The following C8orf34 variants were observed in gnomAD, a reference collection of about 807,000 sequenced individuals.
C8orf34 encodes the protein chromosome 8 open reading frame 34.
A neutral mutation model predicts 68.3 loss-of-function variants in C8orf34; 65 were observed. That is an observed-to-expected ratio of 0.95 (90% CI 0.78 to 1.17). C8orf34 has a LOEUF of 1.17. C8orf34 is among the 50% of genes most tolerant of loss of function. The pLI is 0.00. For missense variants in C8orf34, 664 were observed against 655.4 expected, an observed-to-expected ratio of 1.01 and a Z score of -0.14; for synonymous variants, 244 against 241.2, an observed-to-expected ratio of 1.01 and a Z score of -0.11.
intron 4 of C8orf34, among the ~76,000 whole-genome samples, chr8:68,486,780 TC>T (rs1813097028): frequency 6.6e-6 from 1 of 152,198 alleles, no homozygotes; most frequent in South Asian, 2.1e-4. Context: ...TCAGGTTCTT[TC>T]TTCCAACCCA....
chr8:68,665,232 A>C (rs148908679), intron 8 of C8orf34, among the ~76,000 whole-genome samples: 82 of 152,352 alleles, frequency 5.4e-4, no homozygotes, highest in African/African-American at 1.4e-3. Context: ...TTCAAAATAC[A>C]GATGGAAATA....
At chr8:68,417,412 T>G (rs1809723223) in intron 1 of C8orf34, among the ~76,000 whole-genome samples, 1 of 152,120 alleles carries the variant, frequency 6.6e-6, no homozygotes, top group Non-Finnish European at 1.5e-5. Flanking sequence ...TCAGTCAGAC[T>G]GATTAAATAA....
intron 5 of C8orf34, among the ~76,000 whole-genome samples, chr8:68,499,737 A>AG (rs1225178552): frequency 6.6e-6 from 1 of 152,234 alleles, no homozygotes; most frequent in Non-Finnish European, 1.5e-5. Flanking sequence ...CACCTGAACC[A>AG]GGTGATCAAG....
intron 12 of C8orf34, chr8:68,791,548 A>T (rs1218865820): frequency 6.6e-6 from 1 of 152,246 alleles, no homozygotes; most frequent in African/African-American, 2.4e-5. Context: ...TTAGATTTTT[A>T]AAAACACAAA....
intron 1 of C8orf34, among the ~76,000 whole-genome samples, chr8:68,422,821 G>A (rs1810037552): frequency 6.6e-6 from 1 of 152,120 alleles, no homozygotes; most frequent in Non-Finnish European, 1.5e-5. Flanking sequence ...CTGAAATCTG[G>A]GCAGAGGTTC....
At chr8:68,581,728 G>A (rs902527352) in intron 7 of C8orf34, among the ~76,000 whole-genome samples, 2 of 152,142 alleles carry the variant, frequency 1.3e-5, no homozygotes, top group African/African-American at 4.8e-5. Context: ...CGCAGGCAGT[G>A]GAGTACAGCC....
At chr8:68,459,534 A>T (rs1811699467) in intron 3 of C8orf34, among the ~76,000 whole-genome samples, 1 of 152,068 alleles carries the variant, frequency 6.6e-6, no homozygotes, top group Non-Finnish European at 1.5e-5. Flanking sequence ...CCCGGCTGAA[A>T]AGGGAACTCT....
chr8:68,398,671 A>G (rs983963092), intron 1 of C8orf34, among the ~76,000 whole-genome samples: 38 of 152,278 alleles, frequency 2.5e-4, no homozygotes, highest in African/African-American at 7.5e-4. Context: ...TAAAAAACTA[A>G]TTATTTGGAC....
chr8:68,368,551 G>A (rs1277017384), intron 1 of C8orf34, among the ~76,000 whole-genome samples: 2 of 152,042 alleles, frequency 1.3e-5, no homozygotes, highest in East Asian at 3.9e-4. Flanking sequence ...TATTTTTTGT[G>A]TGGGTCCTGA....
chr8:68,497,905 C>T (rs535991274), intron 5 of C8orf34, among the ~76,000 whole-genome samples: 30 of 152,026 alleles, frequency 2.0e-4, no homozygotes, highest in African/African-American at 1.2e-4. Context: ...GTTGGATCAC[C>T]GCAACCTCCG....
At chr8:68,760,007 G>A (rs1822978143) in intron 10 of C8orf34, among the ~76,000 whole-genome samples, 1 of 152,208 alleles carries the variant, frequency 6.6e-6, no homozygotes, top group African/African-American at 2.4e-5. Flanking sequence ...GAAGTGCTGT[G>A]ACAGAAGTAT....
At chr8:68,566,371 T>G (rs2130220880) in intron 7 of C8orf34, among the ~76,000 whole-genome samples, 1 of 152,300 alleles carries the variant, frequency 6.6e-6, no homozygotes, top group Middle Eastern at 3.4e-3. Context: ...GTTCATAGGT[T>G]CTCATCATTT....
At chr8:68,340,000 A>G (rs1356079305) in intron 1 of C8orf34, among the ~76,000 whole-genome samples, 2 of 152,116 alleles carry the variant, frequency 1.3e-5, no homozygotes, top group Non-Finnish European at 1.5e-5. Flanking sequence ...AAGAAGATGT[A>G]TAGGTGGCAA....
chr8:68,776,492 T>G, intron 11 of C8orf34, 43 bp downstream of exon 11: 1 of 1,506,432 alleles, frequency 6.6e-7, no homozygotes, highest in Middle Eastern at 1.8e-4. Flanking sequence ...GAAATCAGTT[T>G]ATGATACAGG....
At chr8:68,808,973 C>T (rs11993928) in intron 12 of C8orf34, among the ~76,000 whole-genome samples, 13,949 of 151,946 alleles carry the variant, frequency 0.092, 737 homozygotes, top group Non-Finnish European at 0.12. Flanking sequence ...TGTGAGCATA[C>T]ACATCTGCCA....
intron 6 of C8orf34, among the ~76,000 whole-genome samples, chr8:68,530,116 TA>T (rs1815181696): frequency 6.6e-6 from 1 of 152,076 alleles, no homozygotes; most frequent in Non-Finnish European, 1.5e-5. Context: ...ATATAAAATT[TA>T]AAGTTATGAA....
chr8:68,610,469 A>G (rs1172192440), intron 7 of C8orf34, among the ~76,000 whole-genome samples: 4 of 152,178 alleles, frequency 2.6e-5, no homozygotes, highest in Non-Finnish European at 5.9e-5. Context: ...TAGTAAACCT[A>G]TATTAAGACC....
intron 8 of C8orf34, among the ~76,000 whole-genome samples, chr8:68,662,470 T>C (rs1254405348): frequency 6.6e-6 from 1 of 152,168 alleles, no homozygotes; most frequent in African/African-American, 2.4e-5. Context: ...AATTGAATCA[T>C]GGGGGAAGTT....
chr8:68,388,321 G>A (rs1263007891), intron 1 of C8orf34, among the ~76,000 whole-genome samples: 1 of 152,056 alleles, frequency 6.6e-6, no homozygotes, highest in Non-Finnish European at 1.5e-5. Flanking sequence ...GAGCCCCAGT[G>A]GAGTCTGACA....
Sources: gnomAD v4.1 joint callset for allele counts (sites outside exome capture counted in the v4.1 genomes callset) on GRCh38, gnomAD v4.1.1 for gene constraint, MANE v1.5 for transcripts, NCBI Gene and HGNC (gene_info 2026-07-23, HGNC 2026-07-21) for gene names.